MAML3: variants seen among roughly 807,000 people sequenced by gnomAD.
MAML3 encodes mastermind-like protein 3.
MAML3 carries 27 observed loss-of-function variants against 101.9 expected under a neutral mutation model. The observed-to-expected ratio is 0.27, with a 90% CI of 0.20 to 0.37. MAML3 has a LOEUF of 0.37. Among genes scored for constraint, MAML3 ranks in the 10% least tolerant of loss-of-function variants. MAML3 has a pLI of 1.00. For synonymous variants in MAML3, 501 were observed against 555.9 expected, an observed-to-expected ratio of 0.90 and a Z score of 1.39; for missense variants, 1,316 against 1,444.9, an observed-to-expected ratio of 0.91 and a Z score of 1.45.
chr4:139,866,730 A>C (rs1313658538), intron 2 of MAML3, among the ~76,000 whole-genome samples: 1 of 152,196 alleles, frequency 6.6e-6, no homozygotes, highest in Non-Finnish European at 1.5e-5. Context: ...AGCCAAGCGA[A>C]GACGAAGGGT....
chr4:140,053,480 G>C (rs1232231970), intron 1 of MAML3, among the ~76,000 whole-genome samples: 1 of 152,170 alleles, frequency 6.6e-6, no homozygotes, highest in African/African-American at 2.4e-5. Context: ...TCTCCTCTGG[G>C]CCATCGGGCT....
chr4:139,804,736 A>G, intron 2 of MAML3, among the ~76,000 whole-genome samples: 1 of 152,236 alleles, frequency 6.6e-6, no homozygotes, highest in East Asian at 1.9e-4. Flanking sequence ...CTTAAGTAGT[A>G]GGACACTATT....
chr4:139,837,026 G>A lies in MAML3; in HGVS notation c.2079+52331C>T, dbSNP rs190174444. 3.0e-3 allele frequency among the ~76,000 whole-genome samples: 460 copies of A among 151,456 alleles called. 1 individual carries two copies. Among genetic ancestry groups the A allele is most frequent in the African/African-American group, 0.01 (416 of 41,222 alleles). On this transcript the variant is annotated intron_variant, in intron 2 of 4. Coordinates refer to ENST00000509479, the MANE Select transcript of MAML3 (RefSeq NM_018717.5). Reference sequence around the variant, plus strand: ...AATCCCAGCTACTCAGGAGGCTGGGGCTGAAGAATCACTTGAACCTGGGAG... The same window carrying A: ...AATCCCAGCTACTCAGGAGGCTGGGACTGAAGAATCACTTGAACCTGGGAG...
intron 1 of MAML3, among the ~76,000 whole-genome samples, chr4:139,950,246 T>G (rs1380093042): frequency 6.6e-6 from 1 of 152,148 alleles, no homozygotes; most frequent in Non-Finnish European, 1.5e-5. Context: ...TTCACCATGC[T>G]GGCCAGGCTG....
In MAML3 at chr4:139,718,160, T is replaced by G. The variant is rs1560765285; in HGVS notation, c.*1163A>C. 2 of 152,054 alleles carry G rather than the reference T, an allele frequency of 1.3e-5. No homozygotes were observed. The highest frequency in any genetic ancestry group is 2.1e-4 in the South Asian group (1 of 4,820). The allele number at this position is 152,054 out of a possible 1,614,324, so 9.4% of individuals were successfully genotyped here. A position where few individuals can be genotyped will look rare whatever the true frequency, so the allele number is the denominator to read the frequency against. On this transcript the variant is annotated 3_prime_UTR_variant, in exon 5 of 5. Transcript: ENST00000509479. ...TCCAGGCCACTCCTTCCTGGGGATA[T>G]CAGAAATATCAGATGTGGCTCACAA...
At chr4:139,721,437 A>T (rs1232555671) in intron 4 of MAML3, among the ~76,000 whole-genome samples, 1 of 152,244 alleles carries the variant, frequency 6.6e-6, no homozygotes. Context: ...AAGAAGGTGC[A>T]GCATGGGAGC....
At chr4:139,863,150 C>CAA (rs34108210) in intron 2 of MAML3, among the ~76,000 whole-genome samples, 22,802 of 113,362 alleles carry the variant, frequency 0.2, 2,977 homozygotes, top group East Asian at 0.65. Context: ...ACTCTGTCTC[C>CAA]AAAAAAAAAA....
chr4:140,067,788 C>T (rs1335764163), intron 1 of MAML3, among the ~76,000 whole-genome samples: 1 of 143,334 alleles, frequency 7.0e-6, no homozygotes, highest in Non-Finnish European at 1.5e-5. Context: ...GGCTGGAGTG[C>T]AACAGCACGA....
rs185130962 is a variant in MAML3, at chr4:139,984,018, A to G, written c.469-93051T>C. ...AATGGGTAGACATACAGATGCAATT[A>G]TAATAATGGACCCTGAGATCTGAGT... On this transcript the variant is annotated intron_variant, in intron 1 of 4. Transcript: ENST00000509479. Among the ~76,000 whole-genome samples the G allele has an allele frequency of 2.0e-5, 3 of 152,344 alleles. No homozygotes were observed. The East Asian group carries it at 5.8e-4, about 29-fold the overall frequency.
At chr4:139,746,333 T>C (rs1729319542) in intron 2 of MAML3, among the ~76,000 whole-genome samples, 3 of 152,372 alleles carry the variant, frequency 2.0e-5, no homozygotes, top group Non-Finnish European at 4.4e-5. Context: ...GTTGAAAATT[T>C]ATGATTGAAG....
chr4:139,926,288 C>G (rs915601666), intron 1 of MAML3, among the ~76,000 whole-genome samples: 3 of 152,116 alleles, frequency 2.0e-5, no homozygotes, highest in African/African-American at 7.2e-5. Context: ...AGTTTAGATC[C>G]TTTTTGGTTA....
chr4:140,107,615 C>T (rs936245226), intron 1 of MAML3, among the ~76,000 whole-genome samples: 6 of 151,774 alleles, frequency 4.0e-5, no homozygotes, highest in Admixed American at 2.0e-4. Flanking sequence ...AGCGATTCTC[C>T]TGCCTCACCC....
chr4:139,758,232 C>A (rs570485783), intron 2 of MAML3, among the ~76,000 whole-genome samples: 1 of 152,156 alleles, frequency 6.6e-6, no homozygotes, highest in African/African-American at 2.4e-5. Context: ...GGGAGAGAGG[C>A]GTCTGCATTT....
intron 1 of MAML3, among the ~76,000 whole-genome samples, chr4:140,077,225 A>T (rs191402266): frequency 5.9e-5 from 9 of 152,350 alleles, no homozygotes; most frequent in Admixed American, 3.9e-4. Flanking sequence ...TTTAACCTGA[A>T]ATGCCATAGA....
intron 2 of MAML3, among the ~76,000 whole-genome samples, chr4:139,771,737 G>T (rs1729983850): frequency 6.6e-6 from 1 of 152,078 alleles, no homozygotes; most frequent in Non-Finnish European, 1.5e-5. Context: ...TTCTTAATTA[G>T]GTAATCCAGA....
At chr4:140,025,299 T>A (rs1726804128) in intron 1 of MAML3, among the ~76,000 whole-genome samples, 1 of 152,054 alleles carries the variant, frequency 6.6e-6, no homozygotes, top group African/African-American at 2.4e-5. Context: ...TAAATAAGGG[T>A]GAAATGACAC....
chr4:139,745,226 C>G (rs1277765088), intron 2 of MAML3, among the ~76,000 whole-genome samples: 1 of 152,164 alleles, frequency 6.6e-6, no homozygotes, highest in Non-Finnish European at 1.5e-5. Flanking sequence ...GAAAGCTTCA[C>G]AGGGTGGGAC....
chr4:140,103,728 G>A (rs1038617326), intron 1 of MAML3, among the ~76,000 whole-genome samples: 1 of 152,192 alleles, frequency 6.6e-6, no homozygotes, highest in Non-Finnish European at 1.5e-5. Flanking sequence ...CAGGATGGAT[G>A]TATCTTGGAC....
At chr4:140,072,197 A>G (rs973494876) in intron 1 of MAML3, among the ~76,000 whole-genome samples, 7 of 152,244 alleles carry the variant, frequency 4.6e-5, no homozygotes, top group Non-Finnish European at 1.0e-4. Flanking sequence ...TGGATTCTGC[A>G]TCTGTGGATT....
Sources: allele counts gnomAD v4.1 joint callset (sites outside exome capture counted in the v4.1 genomes callset), GRCh38; gene constraint gnomAD v4.1.1; transcripts MANE v1.5; gene names NCBI Gene and HGNC (gene_info 2026-07-23, HGNC 2026-07-21).